SEPHS1: variants seen among roughly 807,000 people sequenced by gnomAD.
SEPHS1 encodes the protein selenophosphate synthetase 1, also known as zincore component SEPHS1.
SEPHS1 carries 7 observed loss-of-function variants against 39.2 expected under a neutral mutation model. The observed-to-expected ratio is 0.18, with a 90% CI of 0.10 to 0.34. SEPHS1 has a LOEUF of 0.34. Among genes scored for constraint, SEPHS1 ranks in the 10% least tolerant of loss-of-function variants. The pLI, the probability that SEPHS1 is intolerant of heterozygous loss-of-function variation, is 1.00. For synonymous variants in SEPHS1, 190 were observed against 195.5 expected (o/e 0.97, Z 0.23); for missense variants, 253 against 514.5 (o/e 0.49, Z 4.92).
intron 1 of SEPHS1, chr10:13,347,255 GCCCCGCCAACCCCGGACCTACCT>G (rs1564456259): frequency 6.6e-6 from 1 of 151,528 alleles, no homozygotes; most frequent in Non-Finnish European, 1.5e-5. Flanking sequence ...CCGGCGCGCT[GCCCCGCCAACCCCGGACCTACCT>G]CCCCGCCGGC....
intron 7 of SEPHS1, among the ~76,000 whole-genome samples, chr10:13,325,946 CAAAAAAA>C (rs201372928): frequency 4.1e-4 from 14 of 34,354 alleles, no homozygotes; most frequent in African/African-American, 1.5e-3. Flanking sequence ...GACTCAGTCT[CAAAAAAA>C]AAAAAAAAAA....
intron 2 of SEPHS1, among the ~76,000 whole-genome samples, chr10:13,344,063 A>T (rs181234724): frequency 4.0e-4 from 61 of 152,296 alleles, no homozygotes; most frequent in African/African-American, 1.3e-3. Context: ...CTGGTTCCAG[A>T]TGACATCCTG....
At chr10:13,332,144 T>C (rs913226892) in intron 5 of SEPHS1, among the ~76,000 whole-genome samples, 2 of 152,232 alleles carry the variant, frequency 1.3e-5, no homozygotes, top group East Asian at 3.8e-4. Flanking sequence ...ACCTGAGGAA[T>C]GGCTAAATAA....
chr10:13,332,395 G>A (rs7917549), intron 5 of SEPHS1, among the ~76,000 whole-genome samples: 29,720 of 152,090 alleles, frequency 0.2, 5,899 homozygotes, highest in African/African-American at 0.52. Context: ...GAGCTACAGG[G>A]CTTCTTTTTG....
rs1255892696 is a variant in SEPHS1 at position 13,319,117 on chromosome 10, A to C, written c.*25T>G. The C allele has an allele frequency of 1.9e-6, 3 of 1,605,272 alleles. No individual in the cohort carries two copies. The highest frequency in any genetic ancestry group is 2.6e-6 in the Non-Finnish European group (3 of 1,175,462). ...GGGAAATAGATCTATTTAAAAACAA[A>C]ACCAAACAGCTATTTCTGTCTAGAT... On this transcript the variant is annotated 3_prime_UTR_variant, in exon 9 of 9. Coordinates refer to ENST00000327347, the MANE Select transcript of SEPHS1 (RefSeq NM_012247.5).
chr10:13,323,747 T>C (rs1833180084), intron 7 of SEPHS1, among the ~76,000 whole-genome samples: 1 of 151,878 alleles, frequency 6.6e-6, no homozygotes, highest in East Asian at 1.9e-4. Context: ...TTCTTTCTTT[T>C]TTTTTTTTTT....
At chr10:13,347,498 G>A (rs1421265507) in intron 1 of SEPHS1, 1 of 147,284 alleles carries the variant, frequency 6.8e-6, no homozygotes, top group Non-Finnish European at 1.5e-5. Flanking sequence ...CGGGCCGGCG[G>A]GAGGCGGCGG....
intron 2 of SEPHS1, among the ~76,000 whole-genome samples, chr10:13,340,457 T>C (rs901296663): frequency 6.6e-6 from 1 of 152,280 alleles, no homozygotes; most frequent in Middle Eastern, 3.4e-3. Context: ...ATCACACTCT[T>C]TAGCACCTAA....
chr10:13,319,142 T>C lies in SEPHS1; in HGVS notation c.1179A>G (p.Ter393=). Residue 393 remains the stop codon, a stop_retained_variant, in exon 9 of 9, where the codon TAA becomes TAG. Coordinates refer to ENST00000327347, the MANE Select transcript of SEPHS1 (RefSeq NM_012247.5). The part of the protein sequence containing the change: ...NVNPTPGATS[*] ...AACCAAACAGCTATTTCTGTCTAGA[T>C]TAAGAGGTGGCCCCGGGTGTGGGAT... 6.2e-7 allele frequency: 1 copy of C among 1,612,230 alleles called. No homozygotes were observed. The highest frequency in any genetic ancestry group is 8.5e-7 in the Non-Finnish European group (1 of 1,179,404).
Position 13,328,317 on chromosome 10 carries a change from C to A in SEPHS1, c.751+34G>T, listed in dbSNP as rs756048846. On this transcript the variant is annotated intron_variant, in intron 7 of 8. Coordinates refer to ENST00000327347, the MANE Select transcript of SEPHS1 (RefSeq NM_012247.5). ...CCTAAGACATTTACTGTCTTGGACC[C>A]CTGGGACCGAAGCGCCCTTCCCACC... The A allele has an allele frequency of 2.1e-6, 3 of 1,415,916 alleles. No individual in the cohort carries two copies. In the Admixed American group the frequency reaches 5.2e-5, roughly 24 times the overall value. 87.7% of individuals were successfully genotyped at this position (1,415,916 alleles called of 1,614,324 possible).
intron 5 of SEPHS1, among the ~76,000 whole-genome samples, chr10:13,333,334 T>C (rs1378284707): frequency 6.6e-6 from 1 of 151,690 alleles, no homozygotes; most frequent in East Asian, 1.9e-4. Context: ...GGTTTCTCCA[T>C]GTTGGTCAGG....
chr10:13,325,980 TA>T (rs1833275914), intron 7 of SEPHS1, among the ~76,000 whole-genome samples: 1 of 122,916 alleles, frequency 8.1e-6, no homozygotes, highest in Admixed American at 8.3e-5. Flanking sequence ...ATAATAATAA[TA>T]AATGAATAAA....
intron 4 of SEPHS1, among the ~76,000 whole-genome samples, chr10:13,335,579 G>A (rs944449399): frequency 6.6e-5 from 10 of 151,860 alleles, no homozygotes; most frequent in Non-Finnish European, 1.2e-4. Context: ...CAGGAGAATC[G>A]CTTGAACCTG....
At chr10:13,343,713 C>G (rs1168984457) in intron 2 of SEPHS1, among the ~76,000 whole-genome samples, 1 of 152,038 alleles carries the variant, frequency 6.6e-6, no homozygotes, top group African/African-American at 2.4e-5. Flanking sequence ...ACTCAAGAGG[C>G]TGAGGCAGAA....
chr10:13,320,135 T>C (rs1394046517), intron 8 of SEPHS1, among the ~76,000 whole-genome samples: 1 of 152,158 alleles, frequency 6.6e-6, no homozygotes, highest in East Asian at 1.9e-4. Context: ...ACAAACAGTA[T>C]AAAATACATT....
At chr10:13,330,923 T>C (rs1392537079) in intron 5 of SEPHS1, among the ~76,000 whole-genome samples, 2 of 152,118 alleles carry the variant, frequency 1.3e-5, no homozygotes, top group Non-Finnish European at 2.9e-5. Flanking sequence ...GCCATGTTGG[T>C]TTGCTGTACC....
rs1460884803 is a variant in SEPHS1 at position 13,323,105 on chromosome 10, T to C, written c.752-58A>G. 5.0e-6 allele frequency: 7 copies of C among 1,390,234 alleles called. No individual in the cohort carries two copies. In the Admixed American group the frequency reaches 7.2e-5, roughly 14 times the overall value. The allele number at this position is 1,390,234 out of a possible 1,614,324, so 86.1% of individuals were successfully genotyped here. On this transcript the variant is annotated intron_variant, in intron 7 of 8. Coordinates refer to ENST00000327347, the MANE Select transcript of SEPHS1 (RefSeq NM_012247.5). ...ACACCTTTCCTCAACTCAAAAATCT[T>C]ACGTCCACAATTAATCTGCAACTTC...
intron 5 of SEPHS1, among the ~76,000 whole-genome samples, chr10:13,332,639 C>T (rs958739093): frequency 6.6e-6 from 1 of 151,936 alleles, no homozygotes; most frequent in Non-Finnish European, 1.5e-5. Flanking sequence ...ATCAGGAGAT[C>T]GAGACCATCC....
intron 7 of SEPHS1, among the ~76,000 whole-genome samples, chr10:13,324,262 TTTC>T (rs1833196099): frequency 6.6e-6 from 1 of 152,138 alleles, no homozygotes; most frequent in Non-Finnish European, 1.5e-5. Context: ...TGATAGCTCA[TTTC>T]TTTTTACTGC....
Sources: allele counts gnomAD v4.1 joint callset (sites outside exome capture counted in the v4.1 genomes callset), GRCh38; gene constraint gnomAD v4.1.1; transcripts MANE v1.5; gene names NCBI Gene and HGNC (gene_info 2026-07-23, HGNC 2026-07-21).